Variants in PCDHA6 observed in about 807,000 individuals in gnomAD.
The protein encoded by PCDHA6 is protocadherin alpha 6.
A neutral mutation model predicts 60.3 loss-of-function variants in PCDHA6; 55 were observed. The observed-to-expected ratio is 0.91, with a 90% CI of 0.73 to 1.14. PCDHA6 has a LOEUF of 1.14. Ranked by LOEUF, PCDHA6 falls within the 50% of genes most tolerant of loss-of-function variation. The pLI, the probability that PCDHA6 is intolerant of heterozygous loss-of-function variation, is 0.00. For missense variants in PCDHA6, 1,327 were observed against 1,256.5 expected, an observed-to-expected ratio of 1.06 and a Z score of -0.85; for synonymous variants, 652 against 557.9, an observed-to-expected ratio of 1.17 and a Z score of -2.38.
intron 3 of PCDHA6, among the ~76,000 whole-genome samples, chr5:140,993,154 A>T (rs2097543247): frequency 6.6e-6 from 1 of 152,220 alleles, no homozygotes; most frequent in Admixed American, 6.5e-5. Flanking sequence ...AATGGATTCT[A>T]AATATTTGCC....
Position 140,830,346 on chromosome 5 carries a change from A to T in PCDHA6, c.2255A>T (p.Gln752Leu). The T allele has an allele frequency of 1.2e-6, 2 of 1,614,054 alleles. No individual in the cohort carries two copies. The highest frequency in any genetic ancestry group is 1.7e-6 in the Non-Finnish European group (2 of 1,179,966). ...GCAGTGGGGAGCTGGTCGTACTCGC[A>T]GCAGAGGCGGCAGAGGGTGTGCTCC... ...SSAVGSWSYS[Q>L]QRRQRVCSGE... The change falls in exon 1 of 4, where the codon CAG (glutamine) becomes CTG (leucine). Residue 752 changes from glutamine (Q) to leucine (L), a missense_variant. Coordinates refer to ENST00000529310, the MANE Select transcript of PCDHA6 (RefSeq NM_018909.4).
Position 140,876,739 on chromosome 5 carries a change from C to T in PCDHA6, c.2394+46254C>T, listed in dbSNP as rs782400807. The T allele has an allele frequency of 7.4e-6, 12 of 1,614,126 alleles. No homozygotes were observed. The South Asian group carries it at 1.1e-4, about 15-fold the overall frequency. ...CCGCGAGAGCGTGTCGGCCTATGAG[C>T]TGGTGGTGACTGCGCGGGATGGGGG... On this transcript the variant is annotated intron_variant, in intron 1 of 3. Coordinates refer to ENST00000529310, the MANE Select transcript of PCDHA6 (RefSeq NM_018909.4).
chr5:140,941,199 C>CT (rs879983584), intron 1 of PCDHA6, among the ~76,000 whole-genome samples: 21,657 of 115,670 alleles, frequency 0.19, 2,171 homozygotes, highest in East Asian at 0.37. Flanking sequence ...TTTTTTCTTT[C>CT]TTCCTTTCTT....
chr5:140,927,876 G>A lies in PCDHA6; in HGVS notation c.2395-51073G>A, dbSNP rs782412797. ...TAGCTAGCACCGCTAAACTGCTGGT[G>A]GAGGTGACTGACGTGAACGATCATG... On this transcript the variant is annotated intron_variant, in intron 1 of 3. Transcript: ENST00000529310. The A allele has an allele frequency of 1.9e-6, 3 of 1,614,202 alleles. No individual in the cohort carries two copies. The South Asian group carries it at 3.3e-5, about 18-fold the overall frequency.
chr5:140,988,526 G>C (rs1330767394), intron 3 of PCDHA6, among the ~76,000 whole-genome samples: 2 of 152,088 alleles, frequency 1.3e-5, no homozygotes, highest in Admixed American at 1.3e-4. Flanking sequence ...GTCTCTGCTG[G>C]CTCCATCCAT....
rs570308036 is a variant in PCDHA6 at position 140,863,611 on chromosome 5, C to T, written c.2394+33126C>T. 129 of 339,126 alleles carry T rather than the reference C, an allele frequency of 3.8e-4. 2 individuals are homozygous for T. The highest frequency in any genetic ancestry group is 3.0e-3 in the South Asian group (124 of 41,340). The allele number at this position is 339,126 out of a possible 1,614,324, so 21.0% of individuals were successfully genotyped here. A position where few individuals can be genotyped will look rare whatever the true frequency, so the allele number is the denominator to read the frequency against. On this transcript the variant is annotated intron_variant, in intron 1 of 3. Coordinates refer to ENST00000529310, the MANE Select transcript of PCDHA6 (RefSeq NM_018909.4). ...AAGTATTTCATTCCTATTAATGTCC[C>T]TCATAGTGACATTGATAATGTTCAC...
chr5:140,841,702 T>G (rs1554138466), intron 1 of PCDHA6: 1 of 1,613,896 alleles, frequency 6.2e-7, no homozygotes, highest in Non-Finnish European at 8.5e-7. Flanking sequence ...AGGATGTTAA[T>G]GACAACCCGC....
intron 3 of PCDHA6, among the ~76,000 whole-genome samples, chr5:141,004,289 CAG>C (rs1383902638): frequency 1.3e-5 from 2 of 152,130 alleles, no homozygotes; most frequent in Non-Finnish European, 2.9e-5. Context: ...GCTGAGCTCT[CAG>C]AGATGTTTGT....
chr5:140,999,249 G>A (rs1162368060), intron 3 of PCDHA6, among the ~76,000 whole-genome samples: 1 of 152,066 alleles, frequency 6.6e-6, no homozygotes, highest in Non-Finnish European at 1.5e-5. Context: ...AGTGGGAGTT[G>A]GATTAGTAAA....
chr5:140,948,902 T>C (rs943078074), intron 1 of PCDHA6, among the ~76,000 whole-genome samples: 1 of 151,528 alleles, frequency 6.6e-6, no homozygotes, highest in Non-Finnish European at 1.5e-5. Flanking sequence ...TTAAGTGGAT[T>C]CTTAGGTAAC....
intron 1 of PCDHA6, chr5:140,871,206 C>T (rs781837610): frequency 2.5e-6 from 4 of 1,613,668 alleles, no homozygotes; most frequent in African/African-American, 1.3e-5. Flanking sequence ...ACCTGATCAT[C>T]GCCATCTGCG....
chr5:140,829,429 C>G lies in PCDHA6; in HGVS notation c.1338C>G (p.Ala446=). ...CCGCCAGCTTGTCTGTGGAGGTGGC[C>G]GACATGAATGACAATGCTCCGGCGT... ...WATASLSVEV[A]DMNDNAPAFA... is the part of the protein sequence containing the mutation. The change falls in exon 1 of 4, where the codon GCC becomes GCG. Residue 446 remains alanine (A), a synonymous_variant. Transcript: ENST00000529310. 5.0e-6 allele frequency: 8 copies of G among 1,614,012 alleles called. No homozygotes were observed. Among genetic ancestry groups the G allele is most frequent in the African/African-American group, 1.3e-5 (1 of 75,038 alleles).
At position 140,848,444 on chromosome 5, in the gene PCDHA6, C is replaced by T. The variant is rs2150410443; in HGVS notation, c.2394+17959C>T. 2.3e-5 allele frequency: 35 copies of T among 1,498,894 alleles called. 1 individual carries two copies. Among genetic ancestry groups the T allele is most frequent in the Non-Finnish European group, 2.9e-5 (32 of 1,100,132 alleles). The allele number at this position is 1,498,894 out of a possible 1,614,324, so 92.8% of individuals were successfully genotyped here. On this transcript the variant is annotated intron_variant, in intron 1 of 3. Coordinates refer to ENST00000529310, the MANE Select transcript of PCDHA6 (RefSeq NM_018909.4). ...TGGGACTGACGAAATCAGATGATTT[C>T]TTCTAATTTGGAGGCAATTTTCACT... is the stretch of plus-strand genomic sequence containing the variant.
At chr5:140,865,279 T>C (rs2048807818) in intron 1 of PCDHA6, 1 of 152,232 alleles carries the variant, frequency 6.6e-6, no homozygotes, top group African/African-American at 2.4e-5. Flanking sequence ...TATGTAAAAT[T>C]ACTTTGCTCT....
chr5:140,969,331 G>A, intron 1 of PCDHA6: 1 of 1,614,042 alleles, frequency 6.2e-7, no homozygotes, highest in Non-Finnish European at 8.5e-7. Context: ...CTCAAAATGA[G>A]GTGAGACAGT....
intron 3 of PCDHA6, 60 bp from the exon 4 acceptor site, chr5:141,009,567 A>T: frequency 6.3e-7 from 1 of 1,575,430 alleles, no homozygotes; most frequent in Admixed American, 1.8e-5. Flanking sequence ...CTCTACCAGC[A>T]GTGTGGCATC....
intron 1 of PCDHA6, chr5:140,852,221 T>C: frequency 1.6e-6 from 1 of 623,256 alleles, no homozygotes; most frequent in Non-Finnish European, 2.1e-6. Context: ...AATATTTTAA[T>C]TTTTAAATTT....
At chr5:140,917,259 T>C (rs1246984274) in intron 1 of PCDHA6, among the ~76,000 whole-genome samples, 2 of 151,338 alleles carry the variant, frequency 1.3e-5, no homozygotes, top group East Asian at 3.9e-4. Flanking sequence ...GCTCACCTGA[T>C]GTTTGGTTTT....
chr5:140,827,978 G>A lies in PCDHA6; in HGVS notation c.-114G>A. The A allele has an allele frequency of 7.1e-7, 1 of 1,411,616 alleles. No homozygotes were observed. Among genetic ancestry groups the A allele is most frequent in the Non-Finnish European group, 9.6e-7 (1 of 1,042,290 alleles). 87.4% of individuals were successfully genotyped at this position (1,411,616 alleles called of 1,614,324 possible). ...TTCTTCTATTACTGCATCATTCCCT[G>A]ACTGTTGAATGATGGCGGACGCAGA... is the stretch of plus-strand genomic sequence containing the variant. On this transcript the variant is annotated 5_prime_UTR_variant, in exon 1 of 4. Transcript: ENST00000529310.
Sources: allele counts gnomAD v4.1 joint callset (sites outside exome capture counted in the v4.1 genomes callset), GRCh38; gene constraint gnomAD v4.1.1; transcripts MANE v1.5; gene names NCBI Gene and HGNC (gene_info 2026-07-23, HGNC 2026-07-21).